The following PHACTR4 variants were observed in gnomAD, a reference collection of about 807,000 sequenced individuals.
PHACTR4 encodes the protein phosphatase and actin regulator 4.
Under a neutral mutation model 72.7 loss-of-function variants are expected in PHACTR4, and 51 were observed. The observed-to-expected ratio is 0.70, with a 90% CI of 0.56 to 0.89. PHACTR4 has a LOEUF of 0.89. Ranked by LOEUF, PHACTR4 falls within the 40% of genes least tolerant of loss-of-function variation. The probability of loss-of-function intolerance (pLI) is 0.00; values close to 1 mark genes in which losing one functional copy is unlikely to be tolerated. For missense variants in PHACTR4, 731 were observed against 861.8 expected, an observed-to-expected ratio of 0.85 and a Z score of 1.90; for synonymous variants, 255 against 302.5, an observed-to-expected ratio of 0.84 and a Z score of 1.63.
intron 1 of PHACTR4, among the ~76,000 whole-genome samples, chr1:28,377,612 C>T (rs1651788075): frequency 6.6e-6 from 1 of 151,970 alleles, no homozygotes; most frequent in South Asian, 2.1e-4. Context: ...ATCATGAGGC[C>T]ACAAGGTGGA....
rs1349656478 is a variant in PHACTR4, at chr1:28,500,120, C to T, written c.*3571C>T. The T allele has an allele frequency of 1.3e-5, 2 of 152,026 alleles. No individual in the cohort carries two copies. The highest frequency in any genetic ancestry group is 2.9e-5 in the Non-Finnish European group (2 of 68,026). The allele number at this position is 152,026 out of a possible 1,614,324, so 9.4% of individuals were successfully genotyped here. A position where few individuals can be genotyped will look rare whatever the true frequency, so the allele number is the denominator to read the frequency against. On this transcript the variant is annotated 3_prime_UTR_variant, in exon 14 of 14. Transcript: ENST00000373839. ...AAGTGAAACAAGACATTTTGGGGGT[C>T]AAGTCTCTTTGGGTGTTTTGTTTTT...
At chr1:28,384,675 C>A (rs1652431331) in intron 1 of PHACTR4, among the ~76,000 whole-genome samples, 1 of 152,010 alleles carries the variant, frequency 6.6e-6, no homozygotes, top group Non-Finnish European at 1.5e-5. Context: ...TGGATGGATC[C>A]CTTGAGGCAA....
chr1:28,423,445 G>T (rs566214810), intron 2 of PHACTR4, among the ~76,000 whole-genome samples: 5 of 130,162 alleles, frequency 3.8e-5, no homozygotes, highest in Non-Finnish European at 8.2e-5. Context: ...ATAAATAAAT[G>T]AGTAAATAAA....
At chr1:28,484,185 G>T (rs1660474338) in intron 9 of PHACTR4, among the ~76,000 whole-genome samples, 1 of 152,232 alleles carries the variant, frequency 6.6e-6, no homozygotes, top group African/African-American at 2.4e-5. Context: ...GCCAGGCGTG[G>T]TGGCGCCCAC....
intron 2 of PHACTR4, among the ~76,000 whole-genome samples, chr1:28,418,116 G>A (rs1474346114): frequency 6.6e-6 from 1 of 151,482 alleles, no homozygotes; most frequent in Non-Finnish European, 1.5e-5. Context: ...CCAGCCTGGA[G>A]GACAGAGCAC....
At chr1:28,479,206 A>C (rs1260347443) in intron 8 of PHACTR4, among the ~76,000 whole-genome samples, 1 of 151,980 alleles carries the variant, frequency 6.6e-6, no homozygotes, top group Non-Finnish European at 1.5e-5. Flanking sequence ...GGATCACCTG[A>C]GGTCAGGAGT....
At chr1:28,487,725 TTG>T (rs1307378698) in intron 9 of PHACTR4, among the ~76,000 whole-genome samples, 6 of 107,602 alleles carry the variant, frequency 5.6e-5, no homozygotes, top group African/African-American at 8.9e-5. Flanking sequence ...TAGTTTTTTG[TTG>T]TTTTTTTTTT....
At chr1:28,421,393 GT>G (rs578085922) in intron 2 of PHACTR4, among the ~76,000 whole-genome samples, 29 of 143,242 alleles carry the variant, frequency 2.0e-4, no homozygotes, top group South Asian at 2.2e-4. Context: ...GGGTTTTTTT[GT>G]TTTTTTTTTT....
intron 1 of PHACTR4, among the ~76,000 whole-genome samples, chr1:28,380,028 A>T (rs1337899669): frequency 1.5e-5 from 2 of 136,644 alleles, no homozygotes; most frequent in African/African-American, 2.7e-5. Context: ...TAAAAATGTT[A>T]TTCTGTGTTT....
At chr1:28,475,823 T>C (rs1037801764) in intron 7 of PHACTR4, among the ~76,000 whole-genome samples, 2 of 150,596 alleles carry the variant, frequency 1.3e-5, no homozygotes, top group Non-Finnish European at 2.9e-5. Flanking sequence ...GCCTCCTGGG[T>C]TCAAGAGATT....
chr1:28,382,812 TAGAC>T (rs1293591001), intron 1 of PHACTR4, among the ~76,000 whole-genome samples: 1 of 150,278 alleles, frequency 6.7e-6, no homozygotes. Flanking sequence ...TATTTATTTT[TAGAC>T]AGAGTCTCGC....
intron 13 of PHACTR4, 62 bp downstream of exon 13, chr1:28,493,153 A>G: frequency 2.2e-6 from 3 of 1,377,330 alleles, no homozygotes; most frequent in Non-Finnish European, 2.1e-6. Flanking sequence ...AATTGTTCAG[A>G]TATGAAGGGC....
At chr1:28,387,916 C>T (rs940247865) in intron 1 of PHACTR4, among the ~76,000 whole-genome samples, 12 of 151,960 alleles carry the variant, frequency 7.9e-5, no homozygotes, top group African/African-American at 2.4e-4. Flanking sequence ...TTAGTAGAGA[C>T]AGGGTTTCTC....
At chr1:28,410,615 A>G (rs151036145) in intron 2 of PHACTR4, among the ~76,000 whole-genome samples, 6 of 152,360 alleles carry the variant, frequency 3.9e-5, no homozygotes, top group East Asian at 3.8e-4. Flanking sequence ...CCAGTAGTCA[A>G]TTGAGGCATA....
At chr1:28,454,195 A>T (rs1198066110) in intron 2 of PHACTR4, among the ~76,000 whole-genome samples, 3 of 151,982 alleles carry the variant, frequency 2.0e-5, no homozygotes, top group African/African-American at 7.3e-5. Flanking sequence ...ATAACTCTAA[A>T]TTTGTATATA....
At position 28,449,842 on chromosome 1, in the gene PHACTR4, A is replaced by C. The variant is rs995988515; in HGVS notation, c.17-9243A>C. ...CCTCCAGCCAGGGTGACAGAGTGAC[A>C]CTCTGTATAAAAAAAAAAAAAATCA... On this transcript the variant is annotated intron_variant, in intron 2 of 13. Transcript: ENST00000373839. Among the ~76,000 whole-genome samples, 3 of 148,076 alleles carry C rather than the reference A, an allele frequency of 2.0e-5. No individual in the cohort carries two copies. In the East Asian group the frequency reaches 5.9e-4, roughly 29 times the overall value.
intron 2 of PHACTR4, among the ~76,000 whole-genome samples, chr1:28,409,981 T>G: frequency 1.2e-5 from 1 of 84,760 alleles, no homozygotes; most frequent in Admixed American, 1.2e-4. Context: ...TTTTTTTTTT[T>G]TTTTGAGACA....
Position 28,491,780 on chromosome 1 carries a change from C to CT in PHACTR4, c.2010dup (p.Asp671Ter), listed in dbSNP as rs1452378212. 5.6e-6 allele frequency: 9 copies of CT among 1,613,278 alleles called. No individual in the cohort carries two copies. Among genetic ancestry groups the CT allele is most frequent in the African/African-American group, 1.3e-5 (1 of 74,878 alleles). ...AAACCTTGGACCAAACTGACCCCTG[C>CT]TGACAAGGTACCTGGAAAGCACTCT... is the stretch of plus-strand genomic sequence containing the variant. On this transcript the variant is annotated frameshift_variant, in exon 12 of 14. Transcript: ENST00000373839. LOFTEE classifies it high-confidence loss of function.
chr1:28,464,044 C>CTT (rs74771369), intron 4 of PHACTR4, among the ~76,000 whole-genome samples: 10,630 of 131,246 alleles, frequency 0.081, 1,102 homozygotes, highest in African/African-American at 0.23. Context: ...ATAACCATTT[C>CTT]TTTTTTTTTT....
Sources: gnomAD v4.1 joint callset for allele counts (sites outside exome capture counted in the v4.1 genomes callset) on GRCh38, gnomAD v4.1.1 for gene constraint, MANE v1.5 for transcripts, NCBI Gene and HGNC (gene_info 2026-07-23, HGNC 2026-07-21) for gene names.